Variants in ALG14 observed in about 807,000 individuals in gnomAD.
ALG14 encodes ALG14 UDP-N-acetylglucosaminyltransferase subunit.
Under a neutral mutation model 22.8 loss-of-function variants are expected in ALG14, and 17 were observed. The ratio of observed to expected loss-of-function variants is 0.75; its 90% CI spans 0.51 to 1.12. ALG14 has a LOEUF of 1.12. Among genes scored for constraint, ALG14 ranks in the 50% most tolerant of loss-of-function variants. The probability of loss-of-function intolerance (pLI) is 0.00; values close to 1 mark genes in which losing one functional copy is unlikely to be tolerated. For synonymous variants in ALG14, 89 were observed against 103.7 expected (o/e 0.86, Z 0.86); for missense variants, 288 against 271.8 (o/e 1.06, Z -0.42).
At chr1:95,020,768 C>T (rs1371133424) in intron 3 of ALG14, among the ~76,000 whole-genome samples, 1 of 150,506 alleles carries the variant, frequency 6.6e-6, no homozygotes, top group Non-Finnish European at 1.5e-5. Context: ...AAAAACCCCA[C>T]AAAACTCTAA....
intron 2 of ALG14, among the ~76,000 whole-genome samples, chr1:95,042,305 TACACACACAC>T (rs34055488): frequency 6.7e-6 from 1 of 150,208 alleles, no homozygotes; most frequent in Non-Finnish European, 1.5e-5. Context: ...GATTTAAACA[TACACACACAC>T]ACACACACAC....
At chr1:94,999,075 C>T (rs1344280522) in intron 3 of ALG14, among the ~76,000 whole-genome samples, 1 of 151,926 alleles carries the variant, frequency 6.6e-6, no homozygotes, top group East Asian at 1.9e-4. Flanking sequence ...CAAATATGAA[C>T]AAAACTTTTG....
intron 2 of ALG14, among the ~76,000 whole-genome samples, chr1:95,033,402 C>CATACATATAT (rs1553229111): frequency 7.2e-6 from 1 of 138,710 alleles, no homozygotes; most frequent in African/African-American, 2.7e-5. Flanking sequence ...TACATACATA[C>CATACATATAT]ATATATATAT....
chr1:95,031,199 A>T (rs1448269590), intron 2 of ALG14, among the ~76,000 whole-genome samples: 1 of 152,214 alleles, frequency 6.6e-6, no homozygotes, highest in Non-Finnish European at 1.5e-5. Context: ...CAGAAGTATC[A>T]ATTTAAATAA....
At chr1:95,039,197 G>A (rs1674305020) in intron 2 of ALG14, among the ~76,000 whole-genome samples, 1 of 152,144 alleles carries the variant, frequency 6.6e-6, no homozygotes, top group Non-Finnish European at 1.5e-5. Context: ...TGGAATATCT[G>A]GGGAACTGTA....
Position 94,983,056 on chromosome 1 carries a change from A to C in ALG14, c.*20T>G. ...TACTACTGTTAACTGCAAAATTCTA[A>C]AGAAGTCAGTTGCCATTTGTCAAAC... On this transcript the variant is annotated 3_prime_UTR_variant, in exon 4 of 4. Transcript: ENST00000370205. The C allele has an allele frequency of 1.9e-6, 3 of 1,610,188 alleles. No homozygotes were observed. Among genetic ancestry groups the C allele is most frequent in the Non-Finnish European group, 2.5e-6 (3 of 1,176,528 alleles).
At chr1:95,041,496 T>C (rs1311430390) in intron 2 of ALG14, 1 of 151,892 alleles carries the variant, frequency 6.6e-6, no homozygotes, top group Non-Finnish European at 1.5e-5. Context: ...GCCTTACCTG[T>C]AGTTCCAGTT....
chr1:94,976,841 T>C lies in ALG14; in HGVS notation c.*6235A>G, dbSNP rs1672406211. ...TTACATTAACATGGCAAAAGGGACGTAATTATGATCCTAATCAGTTGACCT... is the reference window on the plus strand; with the variant it reads ...TTACATTAACATGGCAAAAGGGACGCAATTATGATCCTAATCAGTTGACCT... On this transcript the variant is annotated 3_prime_UTR_variant, in exon 4 of 4. Transcript: ENST00000370205. 1 of 152,210 alleles carries C rather than the reference T, an allele frequency of 6.6e-6. No individual in the cohort carries two copies. Among genetic ancestry groups the C allele is most frequent in the Non-Finnish European group, 1.5e-5 (1 of 68,044 alleles). The allele number at this position is 152,210 out of a possible 1,614,324, so 9.4% of individuals were successfully genotyped here.
intron 3 of ALG14, among the ~76,000 whole-genome samples, chr1:94,988,250 A>C (rs1022696326): frequency 6.6e-6 from 1 of 152,242 alleles, no homozygotes; most frequent in Non-Finnish European, 1.5e-5. Context: ...GAAAGAGAAG[A>C]AGCTTGGCTG....
chr1:95,072,885 A>T lies in ALG14; in HGVS notation c.14T>A (p.Leu5His), dbSNP rs780750397. 1.9e-6 allele frequency: 3 copies of T among 1,613,998 alleles called. No homozygotes were observed. Among genetic ancestry groups the T allele is most frequent in the Non-Finnish European group, 2.5e-6 (3 of 1,180,020 alleles). Residue 5 changes from leucine to histidine, a missense_variant, in exon 1 of 4, where the codon CTC (leucine) becomes CAC (histidine). Physicochemically the swap from Leu to His is moderately conservative, Grantham distance 99 (BLOSUM62 -3). Transcript: ENST00000370205. MVCV[L>H]VLAAAAGAVA... ...AGCTCCTGCGGCCGCAGCTAGAACG[A>T]GAACGCACACCATGCAGAGAAACGG...
chr1:95,045,555 T>C (rs965735380), intron 2 of ALG14, among the ~76,000 whole-genome samples: 1 of 152,048 alleles, frequency 6.6e-6, no homozygotes, highest in East Asian at 1.9e-4. Context: ...TGCATATACA[T>C]TGCAAATGTA....
intron 1 of ALG14, among the ~76,000 whole-genome samples, chr1:95,070,149 A>G (rs1675514194): frequency 6.6e-6 from 1 of 152,194 alleles, no homozygotes; most frequent in Admixed American, 6.5e-5. Context: ...AAGGAAAGGA[A>G]TGCATGCTCA....
chr1:95,066,193 C>A (rs1675355845), intron 1 of ALG14, among the ~76,000 whole-genome samples: 1 of 152,066 alleles, frequency 6.6e-6, no homozygotes, highest in Non-Finnish European at 1.5e-5. Flanking sequence ...ATAAATTAAA[C>A]ATGAGTTTTC....
intron 3 of ALG14, among the ~76,000 whole-genome samples, chr1:95,019,206 T>C (rs1346509260): frequency 1.3e-5 from 2 of 152,252 alleles, no homozygotes; most frequent in African/African-American, 4.8e-5. Context: ...TCACTTTTTA[T>C]GGCAGAATAT....
At chr1:95,046,445 G>A (rs1434587787) in intron 2 of ALG14, among the ~76,000 whole-genome samples, 2 of 152,142 alleles carry the variant, frequency 1.3e-5, no homozygotes, top group African/African-American at 2.4e-5. Flanking sequence ...TCTAACTAAC[G>A]CCTGATGATC....
chr1:95,017,977 T>C (rs965528558), intron 3 of ALG14, among the ~76,000 whole-genome samples: 2 of 152,122 alleles, frequency 1.3e-5, no homozygotes, highest in African/African-American at 4.8e-5. Context: ...GTGATCCTTC[T>C]CTTGGAGCTT....
At chr1:95,033,229 A>C (rs993712215) in intron 2 of ALG14, among the ~76,000 whole-genome samples, 1 of 152,022 alleles carries the variant, frequency 6.6e-6, no homozygotes, top group Non-Finnish European at 1.5e-5. Context: ...TCCCACTCCC[A>C]GAACTACCAT....
In ALG14 at chr1:95,050,222, G is replaced by T. The variant is rs74332159; in HGVS notation, c.288+14644C>A. 1.3e-3 allele frequency among the ~76,000 whole-genome samples: 199 copies of T among 152,230 alleles called. 4 individuals carry two copies. In the East Asian group the frequency reaches 0.036, roughly 28 times the overall value. Reference sequence around the variant, plus strand: ...ACTATTAATGCTTTAAAATGATCCAGATTTTCTGGTTCACTTAAGAAGTCC... The same window carrying T: ...ACTATTAATGCTTTAAAATGATCCATATTTTCTGGTTCACTTAAGAAGTCC... On this transcript the variant is annotated intron_variant, in intron 2 of 3. Coordinates refer to ENST00000370205, the MANE Select transcript of ALG14 (RefSeq NM_144988.4).
In ALG14 at chr1:94,978,068, CTT is replaced by C. The variant is rs986263946; in HGVS notation, c.*5006_*5007del. 17 of 137,298 alleles carry C rather than the reference CTT, an allele frequency of 1.2e-4. No homozygotes were observed. Among genetic ancestry groups the C allele is most frequent in the East Asian group, 4.4e-4 (2 of 4,536 alleles). 8.5% of individuals were successfully genotyped at this position (137,298 alleles called of 1,614,324 possible). A position where few individuals can be genotyped will look rare whatever the true frequency, so the allele number is the denominator to read the frequency against. ...ACAAGTCTGAAGCTATAATTTTTTT[CTT>C]TTTTTTTTTTTGAGGTGGAGTCTCG... is the stretch of plus-strand genomic sequence containing the variant. On this transcript the variant is annotated 3_prime_UTR_variant, in exon 4 of 4. Coordinates refer to ENST00000370205, the MANE Select transcript of ALG14 (RefSeq NM_144988.4).
Sources: allele counts gnomAD v4.1 joint callset (sites outside exome capture counted in the v4.1 genomes callset), GRCh38; gene constraint gnomAD v4.1.1; transcripts MANE v1.5; gene names NCBI Gene and HGNC (gene_info 2026-07-23, HGNC 2026-07-21).